The following TP53AIP1 variants were observed in gnomAD, a reference collection of about 807,000 sequenced individuals.
TP53AIP1 encodes p53-regulated apoptosis-inducing protein 1.
Under a neutral mutation model 9.5 loss-of-function variants are expected in TP53AIP1, and 14 were observed. That is an observed-to-expected ratio of 1.47 (90% CI 0.97 to 2.30). The LOEUF is 2.30. Ranked by LOEUF, TP53AIP1 falls within the 30% of genes most tolerant of loss-of-function variation. The pLI is 0.00. For missense variants in TP53AIP1, 153 were observed against 146.7 expected, an observed-to-expected ratio of 1.04 and a Z score of -0.22; for synonymous variants, 73 against 61.2, an observed-to-expected ratio of 1.19 and a Z score of -0.90.
chr11:128,942,523 C>T (rs1944967817), intron 1 of TP53AIP1, among the ~76,000 whole-genome samples: 1 of 152,162 alleles, frequency 6.6e-6, no homozygotes, highest in Non-Finnish European at 1.5e-5. Flanking sequence ...ATTTTTGGCC[C>T]CAACCTGCAT....
chr11:128,936,643 C>G lies in TP53AIP1; in HGVS notation c.148G>C (p.Asp50His), dbSNP rs774302937. The G allele has an allele frequency of 6.3e-7, 1 of 1,581,436 alleles. No homozygotes were observed. Among genetic ancestry groups the G allele is most frequent in the Non-Finnish European group, 8.5e-7 (1 of 1,171,778 alleles). The change falls in exon 3 of 4, where the codon GAT (aspartate) becomes CAT (histidine). Residue 50 changes from aspartate (D) to histidine (H), a missense_variant. Physicochemically the swap from Asp to His is moderately conservative, Grantham distance 81. Coordinates refer to ENST00000531399, the MANE Select transcript of TP53AIP1 (RefSeq NM_022112.3). ...AQTHTPGWVSDPLVLGAQVHG... is the reference protein window; with the variant it reads ...AQTHTPGWVSHPLVLGAQVHG... ...ACTTGGGCACCCAAAACTAAGGGAT[C>G]TGAAACCTGAGAGGAAATGGAAGCA...
Position 128,935,720 on chromosome 11 carries a change from G to A in TP53AIP1, c.254-8C>T. 1 of 1,554,684 alleles carries A rather than the reference G, an allele frequency of 6.4e-7. No individual in the cohort carries two copies. Among genetic ancestry groups the A allele is most frequent in the Non-Finnish European group, 8.6e-7 (1 of 1,158,632 alleles). On this transcript the variant is annotated splice_polypyrimidine_tract_variant and splice_region_variant and intron_variant, in intron 3 of 3. Coordinates refer to ENST00000531399, the MANE Select transcript of TP53AIP1 (RefSeq NM_022112.3). ...AGAGACCTAGACCAAGGCCTCAGTA[G>A]GGAGGGAGAGAATTTACTCTTTGCA...
Position 128,935,494 on chromosome 11 carries a change from AT to A in TP53AIP1, c.*96del. The stretch of plus-strand genomic sequence containing the variant: ...GTGGCCGCTAGTCAGCGCTGGAGCC[AT>A]TTCTCGACGGTGCTTTCTGTTTGTT... On this transcript the variant is annotated 3_prime_UTR_variant, in exon 4 of 4. Transcript: ENST00000531399. 2 of 1,480,592 alleles carry A rather than the reference AT, an allele frequency of 1.4e-6. No individual in the cohort carries two copies. 91.7% of individuals were successfully genotyped at this position (1,480,592 alleles called of 1,614,324 possible).
At chr11:128,935,094 G>A (rs531749614), downstream of TP53AIP1, 64 of 707,066 alleles carry the variant, frequency 9.1e-5, no homozygotes, top group African/African-American at 1.1e-3. Flanking sequence ...GCTTGTGGTA[G>A]GAACGTGTCA....
At chr11:128,941,957 T>G in intron 1 of TP53AIP1, among the ~76,000 whole-genome samples, 1 of 152,146 alleles carries the variant, frequency 6.6e-6, no homozygotes, top group East Asian at 1.9e-4. Context: ...CAAACACAGG[T>G]GCCCCGCCCC....
chr11:128,935,512 C>CTGTTTGTCTGTT lies in TP53AIP1; in HGVS notation c.*78_*79insAACAGACAAACA. The CTGTTTGTCTGTT allele has an allele frequency of 6.7e-7, 1 of 1,497,288 alleles. No individual in the cohort carries two copies. The allele number at this position is 1,497,288 out of a possible 1,614,324, so 92.8% of individuals were successfully genotyped here. The stretch of plus-strand genomic sequence containing the variant: ...TGGAGCCATTTCTCGACGGTGCTTT[C>CTGTTTGTCTGTT]TGTTTGTTTGTTTGTTTTTGTTTTG... On this transcript the variant is annotated 3_prime_UTR_variant, in exon 4 of 4. Transcript: ENST00000531399.
rs955161455 is a variant in TP53AIP1 at position 128,937,185 on chromosome 11, T to C, written c.141+493A>G. The C allele has an allele frequency of 6.1e-6, 7 of 1,147,388 alleles. No homozygotes were observed. The highest frequency in any genetic ancestry group is 8.8e-5 in the Admixed American group (2 of 22,742). 71.1% of individuals were successfully genotyped at this position (1,147,388 alleles called of 1,614,324 possible). A position where few individuals can be genotyped will look rare whatever the true frequency, so the allele number is the denominator to read the frequency against. On this transcript the variant is annotated intron_variant, in intron 2 of 3. Coordinates refer to ENST00000531399, the MANE Select transcript of TP53AIP1 (RefSeq NM_022112.3). The surrounding 1 kb of genome is among the most constrained non-coding windows in gnomAD (Gnocchi z 4.8). The stretch of plus-strand genomic sequence containing the variant: ...GCTTCCGAGTGCGTCATCTTCATTA[T>C]TGGCCACAGGAAACGACTTCTTGGA...
At chr11:128,942,592 G>A (rs1944969315) in intron 1 of TP53AIP1, among the ~76,000 whole-genome samples, 1 of 152,202 alleles carries the variant, frequency 6.6e-6, no homozygotes, top group South Asian at 2.1e-4. Flanking sequence ...TGACTCTGAT[G>A]TACTCTCAGG....
chr11:128,937,716 G>C lies in TP53AIP1; in HGVS notation c.103C>G (p.Pro35Ala). The C allele has an allele frequency of 6.2e-7, 1 of 1,614,076 alleles. No individual in the cohort carries two copies. The highest frequency in any genetic ancestry group is 8.5e-7 in the Non-Finnish European group (1 of 1,180,020). Residue 35 changes from proline to alanine, a missense_variant, in exon 2 of 4, where the codon CCT (proline) becomes GCT (alanine). Coordinates refer to ENST00000531399, the MANE Select transcript of TP53AIP1 (RefSeq NM_022112.3). This position sits in a 1 kb window ranked among gnomAD's most constrained non-coding sequence, Gnocchi z 4.8. ...TGTGTCTGAGCCCTGCCATTCGGAG[G>C]CATCACCGAGAGGTTCTGGTCTCCC... ...GRGDQNLSVM[P>A]PNGRAQTHTP...
chr11:128,935,264 A>G, downstream of TP53AIP1: 1 of 1,433,826 alleles, frequency 7.0e-7, no homozygotes, highest in South Asian at 1.5e-5. Context: ...CATAGCTGTG[A>G]GACAACGCTT....
At position 128,937,871 on chromosome 11, in the gene TP53AIP1, T is replaced by C; in HGVS notation, c.-53A>G. On this transcript the variant is annotated 5_prime_UTR_variant, in exon 2 of 4. Coordinates refer to ENST00000531399, the MANE Select transcript of TP53AIP1 (RefSeq NM_022112.3). The surrounding 1 kb of genome is among the most constrained non-coding windows in gnomAD (Gnocchi z 4.8). Reference sequence around the variant, plus strand: ...AGAGAACTTGGCTTCTCCTCATTTGTTGTTAGGGCCAGTCCCTAAGGGACT... The same window carrying C: ...AGAGAACTTGGCTTCTCCTCATTTGCTGTTAGGGCCAGTCCCTAAGGGACT... The C allele has an allele frequency of 6.4e-7, 1 of 1,552,824 alleles. No individual in the cohort carries two copies. The highest frequency in any genetic ancestry group is 8.7e-7 in the Non-Finnish European group (1 of 1,150,842).
chr11:128,942,580 G>C (rs1023855999), intron 1 of TP53AIP1, among the ~76,000 whole-genome samples: 1 of 152,198 alleles, frequency 6.6e-6, no homozygotes, highest in Non-Finnish European at 1.5e-5. Context: ...AAGTCCTCCA[G>C]GTGACTCTGA....
In TP53AIP1 at chr11:128,936,820, G is replaced by A. The variant is rs1944833934; in HGVS notation, c.142-171C>T. The A allele has an allele frequency of 9.1e-6, 13 of 1,425,618 alleles. No homozygotes were observed. The East Asian group carries it at 3.3e-4, about 36-fold the overall frequency. 88.3% of individuals were successfully genotyped at this position (1,425,618 alleles called of 1,614,324 possible). On this transcript the variant is annotated intron_variant, in intron 2 of 3. Coordinates refer to ENST00000531399, the MANE Select transcript of TP53AIP1 (RefSeq NM_022112.3). The stretch of plus-strand genomic sequence containing the variant: ...CCATGGAAACCAAACTGGGACAGGA[G>A]GAACAAAAGGCTCCTCAAGGTCAGT...
At chr11:128,936,467 C>G (rs1284031797) in intron 3 of TP53AIP1, 71 bp downstream of exon 3, 1 of 1,467,850 alleles carries the variant, frequency 6.8e-7, no homozygotes, top group Non-Finnish European at 9.0e-7. Context: ...CTGGATTTAT[C>G]GAGAGGACAT....
At chr11:128,936,851 A>G in intron 2 of TP53AIP1, 1 of 1,404,120 alleles carries the variant, frequency 7.1e-7, no homozygotes, top group Non-Finnish European at 9.2e-7. Flanking sequence ...TCAGTGGTGC[A>G]AAGGACATTA....
chr11:128,934,799 C>G, downstream of TP53AIP1: 2 of 552,238 alleles, frequency 3.6e-6, no homozygotes. Flanking sequence ...AGAGAGAGAC[C>G]CACAGGGAAG....
intron 1 of TP53AIP1, among the ~76,000 whole-genome samples, chr11:128,941,863 G>T (rs1454538278): frequency 2.6e-5 from 4 of 152,232 alleles, no homozygotes; most frequent in Non-Finnish European, 5.9e-5. Context: ...GTAGACTTGT[G>T]TGGCTGTGCT....
intron 1 of TP53AIP1, among the ~76,000 whole-genome samples, chr11:128,941,607 G>A (rs549043786): frequency 1.3e-5 from 2 of 152,312 alleles, no homozygotes; most frequent in South Asian, 2.1e-4. Context: ...GCCTCTCCCC[G>A]GTTCCGACAT....
At chr11:128,935,325 T>G (rs948177846), downstream of TP53AIP1, 6 of 1,418,864 alleles carry the variant, frequency 4.2e-6, no homozygotes, top group Non-Finnish European at 5.5e-6. Context: ...GTTTTTAGTT[T>G]TTAGCAAGTG....
Sources: gnomAD v4.1 joint callset for allele counts (sites outside exome capture counted in the v4.1 genomes callset) on GRCh38, gnomAD v4.1.1 for gene constraint, Gnocchi (gnomAD v3.1) non-coding constraint, MANE v1.5 for transcripts, NCBI Gene and HGNC (gene_info 2026-07-23, HGNC 2026-07-21) for gene names.